Variants in ADAMTS12 observed in about 807,000 individuals in gnomAD.
ADAMTS12 encodes A disintegrin and metalloproteinase with thrombospondin motifs 12.
Under a neutral mutation model 167.8 loss-of-function variants are expected in ADAMTS12, and 118 were observed. The observed-to-expected ratio is 0.70, with a 90% CI of 0.61 to 0.82. The LOEUF (loss-of-function observed/expected upper bound fraction) is 0.82. Among genes scored for constraint, ADAMTS12 ranks in the 40% least tolerant of loss-of-function variants. The probability of loss-of-function intolerance (pLI) is 0.00; values close to 1 mark genes in which losing one functional copy is unlikely to be tolerated. For synonymous variants in ADAMTS12, 704 were observed against 716.9 expected, an observed-to-expected ratio of 0.98 and a Z score of 0.29; for missense variants, 1,916 against 1,998.8, an observed-to-expected ratio of 0.96 and a Z score of 0.79.
intron 22 of ADAMTS12, among the ~76,000 whole-genome samples, chr5:33,544,233 C>A (rs1744849546): frequency 2.0e-5 from 3 of 152,066 alleles, no homozygotes; most frequent in Non-Finnish European, 4.4e-5. Flanking sequence ...CAAACACAGG[C>A]CAAATCATGA....
chr5:33,733,278 T>G (rs1340137905), intron 3 of ADAMTS12, among the ~76,000 whole-genome samples: 1 of 152,204 alleles, frequency 6.6e-6, no homozygotes, highest in Non-Finnish European at 1.5e-5. Context: ...TTAAAACTGT[T>G]AAATGAAACT....
At chr5:33,600,188 C>A (rs957377583) in intron 16 of ADAMTS12, among the ~76,000 whole-genome samples, 3 of 152,152 alleles carry the variant, frequency 2.0e-5, no homozygotes, top group African/African-American at 7.2e-5. Flanking sequence ...ATGTTATTTC[C>A]AGATGATTCT....
chr5:33,540,917 T>C (rs1237196446), intron 22 of ADAMTS12, among the ~76,000 whole-genome samples: 4 of 151,970 alleles, frequency 2.6e-5, no homozygotes, highest in Non-Finnish European at 1.5e-5. Flanking sequence ...AAAACTGGAG[T>C]TCCTCTTCTC....
At chr5:33,551,532 T>A (rs991168673) in intron 20 of ADAMTS12, among the ~76,000 whole-genome samples, 11 of 152,192 alleles carry the variant, frequency 7.2e-5, no homozygotes, top group Non-Finnish European at 1.5e-4. Context: ...CAAAATAAAT[T>A]TCCAGGAAAT....
intron 13 of ADAMTS12, among the ~76,000 whole-genome samples, chr5:33,627,109 TTGTGGTGGTGGTGGTGGTGA>T (rs1283602736): frequency 7.1e-6 from 1 of 141,794 alleles, no homozygotes. Flanking sequence ...GTGATGATGG[TTGTGGTGGTGGTGGTGGTGA>T]TGTGGTGGTG....
chr5:33,677,045 T>C (rs1257490603), intron 5 of ADAMTS12, among the ~76,000 whole-genome samples: 1 of 152,140 alleles, frequency 6.6e-6, no homozygotes, highest in Non-Finnish European at 1.5e-5. Flanking sequence ...TTCATTTGGC[T>C]TCATCCGACT....
intron 12 of ADAMTS12, among the ~76,000 whole-genome samples, chr5:33,633,260 G>A (rs1207796118): frequency 6.2e-5 from 1 of 16,250 alleles, no homozygotes; most frequent in African/African-American, 1.0e-4. Flanking sequence ...TGATATTCAT[G>A]ACACATCACC....
Position 33,561,064 on chromosome 5 carries a change from C to T in ADAMTS12, c.4088G>A (p.Arg1363His), listed in dbSNP as rs137953508. Residue 1363 changes from arginine (R) to histidine (H), a missense_variant, in exon 20 of 24, where the codon CGT (arginine) becomes CAT (histidine). Coordinates refer to ENST00000504830, the MANE Select transcript of ADAMTS12 (RefSeq NM_030955.4). ...RPDPAKRCHLRPCAGWKVGNW... is the reference protein window; with the variant it reads ...RPDPAKRCHLHPCAGWKVGNW... ...TCCCACTTTCCAGCCAGCACAGGGA[C>T]GGAGGTGGCATCTTTTTGCAGGGTC... 8.7e-6 allele frequency: 14 copies of T among 1,614,048 alleles called. No individual in the cohort carries two copies. Among genetic ancestry groups the T allele is most frequent in the African/African-American group, 5.3e-5 (4 of 74,922 alleles).
intron 3 of ADAMTS12, among the ~76,000 whole-genome samples, chr5:33,701,600 A>G (rs1333822954): frequency 6.6e-6 from 1 of 152,200 alleles, no homozygotes; most frequent in East Asian, 1.9e-4. Context: ...CATATCTTAA[A>G]TGGTCAAAAT....
At chr5:33,737,415 G>C (rs1269865867) in intron 3 of ADAMTS12, among the ~76,000 whole-genome samples, 1 of 152,182 alleles carries the variant, frequency 6.6e-6, no homozygotes, top group East Asian at 1.9e-4. Context: ...GTTGCCAGGG[G>C]CTGGGGAAAG....
intron 5 of ADAMTS12, among the ~76,000 whole-genome samples, chr5:33,677,532 CAAG>C (rs1741961343): frequency 6.6e-6 from 1 of 152,140 alleles, no homozygotes; most frequent in Admixed American, 6.5e-5. Context: ...ACCCCCGACC[CAAG>C]AGGGGAGCAG....
At chr5:33,694,510 T>G (rs1268555258) in intron 3 of ADAMTS12, among the ~76,000 whole-genome samples, 1 of 152,196 alleles carries the variant, frequency 6.6e-6, no homozygotes, top group Non-Finnish European at 1.5e-5. Context: ...CATTCTTCTA[T>G]GAAGGTACCT....
intron 9 of ADAMTS12, 92 bp from the exon 10 acceptor site, chr5:33,643,562 C>A: frequency 9.0e-7 from 1 of 1,111,258 alleles, no homozygotes. Context: ...CATCCACACA[C>A]TCACAATAAA....
intron 2 of ADAMTS12, among the ~76,000 whole-genome samples, chr5:33,876,679 T>C (rs1237389684): frequency 6.6e-6 from 1 of 152,128 alleles, no homozygotes; most frequent in Non-Finnish European, 1.5e-5. Flanking sequence ...ATTATGGACT[T>C]AAATGTAAAA....
intron 3 of ADAMTS12, among the ~76,000 whole-genome samples, chr5:33,699,272 A>G (rs918295181): frequency 1.3e-5 from 2 of 152,150 alleles, no homozygotes; most frequent in African/African-American, 4.8e-5. Context: ...AAAGATGTCT[A>G]ACAGATTATT....
At chr5:33,667,609 C>T (rs1342547943) in intron 5 of ADAMTS12, among the ~76,000 whole-genome samples, 2 of 152,096 alleles carry the variant, frequency 1.3e-5, no homozygotes, top group Admixed American at 6.5e-5. Flanking sequence ...GTTTAGAGCC[C>T]CAACAATACC....
At chr5:33,532,261 T>C (rs960459463) in intron 23 of ADAMTS12, among the ~76,000 whole-genome samples, 5 of 152,228 alleles carry the variant, frequency 3.3e-5, no homozygotes, top group African/African-American at 1.2e-4. Context: ...ACAGCTTCCA[T>C]GACTTTGGGC....
chr5:33,875,609 A>G lies in ADAMTS12; in HGVS notation c.489+5510T>C, dbSNP rs1465103083. Among the ~76,000 whole-genome samples the G allele has an allele frequency of 3.3e-5, 5 of 152,234 alleles. No homozygotes were observed. In the East Asian group the frequency reaches 7.7e-4, roughly 23 times the overall value. On this transcript the variant is annotated intron_variant, in intron 2 of 23. Transcript: ENST00000504830. ...CAGGAAAAGCACTTGACAAAATTCA[A>G]TACCCATTCAAAATCAAAAAAAGCT...
In ADAMTS12 at chr5:33,576,589, G is replaced by A; in HGVS notation, c.3437C>T (p.Thr1146Ile). The A allele has an allele frequency of 1.2e-6, 2 of 1,614,190 alleles. No individual in the cohort carries two copies. Among genetic ancestry groups the A allele is most frequent in the South Asian group, 2.2e-5 (2 of 91,084 alleles). The change falls in exon 19 of 24, where the codon ACC becomes ATC. Residue 1146 changes from threonine to isoleucine, a missense_variant. By Grantham distance (89) the Thr-to-Ile change is moderately conservative. Transcript: ENST00000504830. ...ITWPVTPFYN[T>I]LTKGPEMEIH... The stretch of plus-strand genomic sequence containing the variant: ...CTCCATTTCTGGACCTTTGGTCAAG[G>A]TATTGTAAAATGGAGTCACAGGCCA...
Sources: gnomAD v4.1 joint callset for allele counts (sites outside exome capture counted in the v4.1 genomes callset) on GRCh38, gnomAD v4.1.1 for gene constraint, MANE v1.5 for transcripts, NCBI Gene and HGNC (gene_info 2026-07-23, HGNC 2026-07-21) for gene names.